SMYD2: variants seen among roughly 807,000 people sequenced by gnomAD.
SMYD2 encodes SET and MYND domain containing 2.
A neutral mutation model predicts 59.1 loss-of-function variants in SMYD2; 53 were observed. The observed-to-expected ratio is 0.90, with a 90% CI of 0.72 to 1.13. The LOEUF is 1.13. Ranked by LOEUF, SMYD2 falls within the 50% of genes most tolerant of loss-of-function variation. The probability of loss-of-function intolerance (pLI) is 0.00; values close to 1 mark genes in which losing one functional copy is unlikely to be tolerated. For synonymous variants in SMYD2, 208 were observed against 198.8 expected, an observed-to-expected ratio of 1.05 and a Z score of -0.39; for missense variants, 494 against 544.7, an observed-to-expected ratio of 0.91 and a Z score of 0.93.
chr1:214,336,985 C>G lies in SMYD2; in HGVS notation c.*201C>G. On this transcript the variant is annotated 3_prime_UTR_variant, in exon 12 of 12. Transcript: ENST00000366957. ...TTTAATACCAAATTAATTTTGAATG[C>G]TTTTGTTTCCTAAGAGATAATGGCA... 2.0e-6 allele frequency: 1 copy of G among 495,984 alleles called. No homozygotes were observed. The highest frequency in any genetic ancestry group is 3.5e-6 in the Non-Finnish European group (1 of 284,328). The allele number at this position is 495,984 out of a possible 1,614,324, so 30.7% of individuals were successfully genotyped here.
chr1:214,291,428 G>A (rs888814530), intron 1 of SMYD2, among the ~76,000 whole-genome samples: 1 of 152,154 alleles, frequency 6.6e-6, no homozygotes, highest in Non-Finnish European at 1.5e-5. Context: ...CCACTGAAGG[G>A]GGTTGGAAGG....
chr1:214,291,723 A>G (rs964749918), intron 1 of SMYD2, among the ~76,000 whole-genome samples: 2 of 152,224 alleles, frequency 1.3e-5, no homozygotes, highest in Non-Finnish European at 2.9e-5. Context: ...TTCCAGTCCT[A>G]CAACTACAAC....
intron 2 of SMYD2, among the ~76,000 whole-genome samples, chr1:214,310,413 A>G (rs1022255829): frequency 6.6e-6 from 1 of 152,210 alleles, no homozygotes; most frequent in Non-Finnish European, 1.5e-5. Flanking sequence ...CTAAAAGAAC[A>G]GAACAAGTAT....
chr1:214,321,892 T>C (rs1367792007), intron 5 of SMYD2, among the ~76,000 whole-genome samples: 8 of 152,182 alleles, frequency 5.3e-5, no homozygotes, highest in Non-Finnish European at 1.5e-5. Context: ...GCTATGTAAG[T>C]AGGCTTAAAC....
chr1:214,297,957 T>C (rs1656760971), intron 1 of SMYD2, among the ~76,000 whole-genome samples: 1 of 152,116 alleles, frequency 6.6e-6, no homozygotes, highest in African/African-American at 2.4e-5. Flanking sequence ...GAACCAATAT[T>C]GTTAATATGT....
intron 5 of SMYD2, among the ~76,000 whole-genome samples, chr1:214,321,111 C>T (rs1657166178): frequency 6.6e-6 from 1 of 152,172 alleles, no homozygotes; most frequent in Admixed American, 6.5e-5. Context: ...GCCGTAGTTA[C>T]AGGACCATAT....
intron 1 of SMYD2, among the ~76,000 whole-genome samples, chr1:214,288,796 A>G (rs1656590417): frequency 6.6e-6 from 1 of 152,224 alleles, no homozygotes; most frequent in African/African-American, 2.4e-5. Context: ...TAAAAAGAAC[A>G]TGAGGCTTTG....
chr1:214,314,732 T>G (rs1657052972), intron 2 of SMYD2, 30 bp from the exon 3 acceptor site: 1 of 1,561,328 alleles, frequency 6.4e-7, no homozygotes, highest in South Asian at 1.1e-5. Context: ...ATGTGCTATT[T>G]TTTAATAATG....
At chr1:214,300,701 G>A (rs78947141) in intron 1 of SMYD2, among the ~76,000 whole-genome samples, 1,601 of 152,238 alleles carry the variant, frequency 0.011, 33 homozygotes, top group African/African-American at 0.036. Flanking sequence ...AGGATGCTTC[G>A]GCGTGATGGA....
At chr1:214,331,796 T>C (rs1266626999) in intron 9 of SMYD2, 4 of 528,768 alleles carry the variant, frequency 7.6e-6, no homozygotes, top group Non-Finnish European at 1.3e-5. Context: ...GTCTGGACCC[T>C]GCGGCTAAAA....
At chr1:214,283,335 C>G (rs1656479150) in intron 1 of SMYD2, among the ~76,000 whole-genome samples, 1 of 152,150 alleles carries the variant, frequency 6.6e-6, no homozygotes, top group African/African-American at 2.4e-5. Context: ...TCACTGTTGC[C>G]TTGGGTCCCT....
intron 1 of SMYD2, among the ~76,000 whole-genome samples, chr1:214,293,184 C>A: frequency 6.6e-6 from 1 of 152,042 alleles, no homozygotes; most frequent in East Asian, 1.9e-4. Context: ...TCCTGAGTAG[C>A]TGGGATTACA....
intron 5 of SMYD2, among the ~76,000 whole-genome samples, chr1:214,324,156 C>G (rs946885526): frequency 6.6e-6 from 1 of 151,038 alleles, no homozygotes; most frequent in Non-Finnish European, 1.5e-5. Context: ...AGGCTGGTTT[C>G]GAACTCCCGA....
intron 2 of SMYD2, among the ~76,000 whole-genome samples, chr1:214,309,024 T>C (rs1420111348): frequency 6.6e-6 from 1 of 152,230 alleles, no homozygotes; most frequent in Non-Finnish European, 1.5e-5. Flanking sequence ...CATTGCTTCC[T>C]GGGGATTTCC....
At chr1:214,296,374 T>C (rs1656727565) in intron 1 of SMYD2, among the ~76,000 whole-genome samples, 1 of 152,232 alleles carries the variant, frequency 6.6e-6, no homozygotes. Flanking sequence ...CCTGTAACAT[T>C]TCTTTTCTTC....
At chr1:214,298,765 T>G (rs1229141069) in intron 1 of SMYD2, among the ~76,000 whole-genome samples, 1 of 152,140 alleles carries the variant, frequency 6.6e-6, no homozygotes, top group African/African-American at 2.4e-5. Context: ...TGAAAAAATG[T>G]TCAACATCAC....
At chr1:214,282,266 C>T (rs2047446) in intron 1 of SMYD2, among the ~76,000 whole-genome samples, 11,513 of 152,242 alleles carry the variant, frequency 0.076, 493 homozygotes, top group South Asian at 0.2. Context: ...TCTTGTCTTT[C>T]ACTTAATGGA....
At chr1:214,304,004 T>C (rs1459725231) in intron 1 of SMYD2, among the ~76,000 whole-genome samples, 1 of 152,238 alleles carries the variant, frequency 6.6e-6, no homozygotes, top group Admixed American at 6.5e-5. Flanking sequence ...GGGAAAAAAG[T>C]AAAGAGTTTT....
At position 214,331,087 on chromosome 1, in the gene SMYD2, C is replaced by T; in HGVS notation, c.937+17C>T. ...ACTATAAATATATCCTTTACAACTG[C>T]CCTGATAGCTTATTATCCCTCGCCA... On this transcript the variant is annotated intron_variant, in intron 9 of 11. Coordinates refer to ENST00000366957, the MANE Select transcript of SMYD2 (RefSeq NM_020197.3). 6.2e-7 allele frequency: 1 copy of T among 1,612,110 alleles called. No homozygotes were observed. Among genetic ancestry groups the T allele is most frequent in the Non-Finnish European group, 8.5e-7 (1 of 1,178,454 alleles).
Sources: allele counts gnomAD v4.1 joint callset (sites outside exome capture counted in the v4.1 genomes callset), GRCh38; gene constraint gnomAD v4.1.1; transcripts MANE v1.5; gene names NCBI Gene and HGNC (gene_info 2026-07-23, HGNC 2026-07-21).